The following CDH12 variants were observed in gnomAD, a reference collection of about 807,000 sequenced individuals.
CDH12 encodes cadherin 12.
Under a neutral mutation model 74.1 loss-of-function variants are expected in CDH12, and 41 were observed. That is an observed-to-expected ratio of 0.55 (90% CI 0.43 to 0.72). The LOEUF is 0.72. Ranked by LOEUF, CDH12 falls within the 30% of genes least tolerant of loss-of-function variation. CDH12 has a pLI of 0.00. For synonymous variants in CDH12, 399 were observed against 355.0 expected (o/e 1.12, Z -1.39); for missense variants, 945 against 977.2 (o/e 0.97, Z 0.44).
intron 11 of CDH12, among the ~76,000 whole-genome samples, chr5:21,771,932 A>G (rs1349718496): frequency 6.6e-6 from 1 of 152,120 alleles, no homozygotes; most frequent in East Asian, 1.9e-4. Flanking sequence ...ATTGCTACAA[A>G]GAGTCTGTTT....
At chr5:22,830,980 A>T (rs574011253) in intron 1 of CDH12, among the ~76,000 whole-genome samples, 1 of 151,996 alleles carries the variant, frequency 6.6e-6, no homozygotes, top group African/African-American at 2.4e-5. Context: ...GCTATTTTAT[A>T]TAATTTATGA....
intron 4 of CDH12, among the ~76,000 whole-genome samples, chr5:22,091,859 C>T (rs10066913): frequency 0.37 from 56,523 of 151,552 alleles, 13,378 homozygotes; most frequent in African/African-American, 0.68. Flanking sequence ...AGTATACACC[C>T]AGAAGCCATA....
At chr5:22,798,469 C>T (rs1338759246) in intron 1 of CDH12, among the ~76,000 whole-genome samples, 1 of 151,550 alleles carries the variant, frequency 6.6e-6, no homozygotes, top group Non-Finnish European at 1.5e-5. Flanking sequence ...TATTGTTATC[C>T]TAAAATTTAT....
intron 1 of CDH12, among the ~76,000 whole-genome samples, chr5:22,577,744 T>A (rs1036012466): frequency 1.3e-5 from 2 of 152,200 alleles, no homozygotes; most frequent in Non-Finnish European, 2.9e-5. Context: ...TGGATTACTG[T>A]TATTATCCCA....
At chr5:22,624,240 C>T (rs917009756) in intron 1 of CDH12, among the ~76,000 whole-genome samples, 5 of 152,120 alleles carry the variant, frequency 3.3e-5, no homozygotes, top group South Asian at 2.1e-4. Context: ...CCATTCAGGA[C>T]GTAGGCATGG....
intron 1 of CDH12, among the ~76,000 whole-genome samples, chr5:22,761,566 A>T (rs1265471494): frequency 6.6e-6 from 1 of 152,154 alleles, no homozygotes; most frequent in East Asian, 1.9e-4. Flanking sequence ...TCTCCTATGA[A>T]GTTACCAATC....
chr5:21,993,492 A>G (rs1736087149), intron 5 of CDH12, among the ~76,000 whole-genome samples: 1 of 152,240 alleles, frequency 6.6e-6, no homozygotes, highest in African/African-American at 2.4e-5. Flanking sequence ...CACATACTCC[A>G]GCCAGCTTGG....
At chr5:21,767,393 T>C (rs563595409) in intron 11 of CDH12, among the ~76,000 whole-genome samples, 2 of 151,716 alleles carry the variant, frequency 1.3e-5, no homozygotes, top group East Asian at 3.9e-4. Context: ...TAGTTGTAAA[T>C]TATTTTCTAA....
Position 22,410,368 on chromosome 5 carries a change from A to T in CDH12, c.-427-5017T>A, listed in dbSNP as rs1375406592. Among the ~76,000 whole-genome samples, 3 of 152,216 alleles carry T rather than the reference A, an allele frequency of 2.0e-5. No individual in the cohort carries two copies. In the East Asian group the frequency reaches 5.8e-4, roughly 29 times the overall value. The stretch of plus-strand genomic sequence containing the variant: ...AAAATTATCTGACCTATCTTGTTTG[A>T]CTGTAGGTCATAAGACTTCCATTCC... On this transcript the variant is annotated intron_variant, in intron 2 of 14. Transcript: ENST00000382254.
At chr5:22,841,489 G>A (rs2126523201) in intron 1 of CDH12, among the ~76,000 whole-genome samples, 1 of 152,240 alleles carries the variant, frequency 6.6e-6, no homozygotes, top group East Asian at 1.9e-4. Flanking sequence ...GTTGAGTATA[G>A]GAGATTAGAT....
chr5:22,252,621 C>T (rs988201419), intron 3 of CDH12, among the ~76,000 whole-genome samples: 3 of 151,988 alleles, frequency 2.0e-5, no homozygotes, highest in Non-Finnish European at 4.4e-5. Context: ...CTTTCTAAAC[C>T]TTTCTCAAAT....
In CDH12 at chr5:22,287,282, T is replaced by C. The variant is rs1236178499; in HGVS notation, c.-332-74639A>G. ...CTACAGAGAGGAATGCGAAATAATATTAGCTTTTATTAAATTCCACTAGGT... is the reference window on the plus strand; with the variant it reads ...CTACAGAGAGGAATGCGAAATAATACTAGCTTTTATTAAATTCCACTAGGT... On this transcript the variant is annotated intron_variant, in intron 3 of 14. Coordinates refer to ENST00000382254, the MANE Select transcript of CDH12 (RefSeq NM_004061.5). Among the ~76,000 whole-genome samples the C allele has an allele frequency of 3.3e-5, 5 of 152,180 alleles. No individual in the cohort carries two copies. The East Asian group carries it at 9.6e-4, about 29-fold the overall frequency.
At chr5:22,781,448 A>C (rs1747379105) in intron 1 of CDH12, among the ~76,000 whole-genome samples, 1 of 151,978 alleles carries the variant, frequency 6.6e-6, no homozygotes, top group African/African-American at 2.4e-5. Context: ...TGTCTATTTC[A>C]TTTCTTTGGC....
At chr5:22,375,712 T>A (rs1561355666) in intron 3 of CDH12, among the ~76,000 whole-genome samples, 1 of 151,964 alleles carries the variant, frequency 6.6e-6, no homozygotes, top group Non-Finnish European at 1.5e-5. Context: ...TCATTAATAA[T>A]CAGGGAAATG....
chr5:22,477,720 A>G (rs1746222136), intron 2 of CDH12, among the ~76,000 whole-genome samples: 1 of 152,168 alleles, frequency 6.6e-6, no homozygotes, highest in Non-Finnish European at 1.5e-5. Context: ...GACTACCCTC[A>G]CTGCTAAAAA....
chr5:21,994,400 C>T (rs1357340873), intron 5 of CDH12, among the ~76,000 whole-genome samples: 3 of 152,180 alleles, frequency 2.0e-5, no homozygotes, highest in Admixed American at 6.5e-5. Context: ...CAGTCTCTTA[C>T]TCTGAATTTG....
intron 1 of CDH12, among the ~76,000 whole-genome samples, chr5:22,785,509 T>G (rs1747578234): frequency 6.6e-6 from 1 of 152,082 alleles, no homozygotes; most frequent in African/African-American, 2.4e-5. Flanking sequence ...GTTTTGTTGT[T>G]GGTGGTTTTT....
chr5:22,308,139 C>T (rs1199864632), intron 3 of CDH12, among the ~76,000 whole-genome samples: 1 of 151,974 alleles, frequency 6.6e-6, no homozygotes, highest in Non-Finnish European at 1.5e-5. Flanking sequence ...CTCGGCCTCC[C>T]AAAGTGCTAG....
intron 8 of CDH12, among the ~76,000 whole-genome samples, chr5:21,835,596 A>C (rs191382476): frequency 3.3e-5 from 5 of 152,062 alleles, no homozygotes; most frequent in South Asian, 2.1e-4. Flanking sequence ...ACTTAAGCCT[A>C]GTAGCTTACC....
Sources: gnomAD v4.1 joint callset for allele counts (sites outside exome capture counted in the v4.1 genomes callset) on GRCh38, gnomAD v4.1.1 for gene constraint, MANE v1.5 for transcripts, NCBI Gene and HGNC (gene_info 2026-07-23, HGNC 2026-07-21) for gene names.